The following MICU3 variants were observed in gnomAD, a reference collection of about 807,000 sequenced individuals.
The protein encoded by MICU3 is calcium uptake protein 3, mitochondrial.
Under a neutral mutation model 66.5 loss-of-function variants are expected in MICU3, and 62 were observed. The ratio of observed to expected loss-of-function variants is 0.93; its 90% CI spans 0.76 to 1.15. The LOEUF (loss-of-function observed/expected upper bound fraction) is 1.15, where lower values mean the gene tolerates loss of function less well. Among genes scored for constraint, MICU3 ranks in the 50% most tolerant of loss-of-function variants. MICU3 has a pLI of 0.00. For missense variants in MICU3, 779 were observed against 664.4 expected, an observed-to-expected ratio of 1.17 and a Z score of -1.90; for synonymous variants, 308 against 240.7, an observed-to-expected ratio of 1.28 and a Z score of -2.59.
intron 8 of MICU3, among the ~76,000 whole-genome samples, chr8:17,092,614 A>G (rs1423891335): frequency 6.6e-6 from 1 of 152,004 alleles, no homozygotes; most frequent in African/African-American, 2.4e-5. Flanking sequence ...CAACTCCTCT[A>G]TGAGTTTACT....
intron 3 of MICU3, among the ~76,000 whole-genome samples, chr8:17,077,273 T>C (rs1820518739): frequency 6.6e-6 from 1 of 152,222 alleles, no homozygotes; most frequent in Non-Finnish European, 1.5e-5. Flanking sequence ...TCTAAGTCAC[T>C]AACCGTTAAA....
chr8:17,112,204 T>C (rs372943853), intron 11 of MICU3, among the ~76,000 whole-genome samples: 40 of 152,352 alleles, frequency 2.6e-4, no homozygotes, highest in African/African-American at 7.9e-4. Context: ...AACATTCTTA[T>C]TGAAAGTCAG....
intron 11 of MICU3, among the ~76,000 whole-genome samples, chr8:17,112,173 G>A (rs948352054): frequency 2.0e-5 from 3 of 152,232 alleles, no homozygotes; most frequent in South Asian, 4.1e-4. Context: ...TTTGGGTGGG[G>A]ACACAGAGCC....
Position 17,027,245 on chromosome 8 carries a change from G to A in MICU3, c.-35G>A, listed in dbSNP as rs751189536. The A allele has an allele frequency of 6.0e-6, 4 of 663,756 alleles. No homozygotes were observed. The highest frequency in any genetic ancestry group is 7.4e-6 in the Non-Finnish European group (4 of 540,798). 41.1% of individuals were successfully genotyped at this position (663,756 alleles called of 1,614,324 possible). On this transcript the variant is annotated 5_prime_UTR_variant, in exon 1 of 15. Coordinates refer to ENST00000318063, the MANE Select transcript of MICU3 (RefSeq NM_181723.3). ...CCCCGCCCCCGCCCCTCCGTTCTCT[G>A]CCCCCTCCCAGCTCTGGTGTGGGCG...
chr8:17,087,163 T>C, intron 7 of MICU3, 128 bp downstream of exon 7: 2 of 636,754 alleles, frequency 3.1e-6, no homozygotes, highest in Non-Finnish European at 2.7e-6. Context: ...GTAAAGTTTT[T>C]ATGTAGAAAA....
chr8:17,027,498 C>T lies in MICU3; in HGVS notation c.219C>T (p.Ala73=), dbSNP rs2150456279. The part of the protein sequence containing the change: ...RWGELSVAAA[A]GGGLVGLVCY... ...GGGAGCTGAGCGTGGCGGCGGCGGC[C>T]GGCGGGGGGCTGGTCGGCCTGGTAT... is the stretch of plus-strand genomic sequence containing the variant. Residue 73 remains alanine, a synonymous_variant, in exon 1 of 15, where the codon GCC becomes GCT. Transcript: ENST00000318063. 3.1e-6 allele frequency: 4 copies of T among 1,281,490 alleles called. No individual in the cohort carries two copies. In the East Asian group the frequency reaches 9.4e-5, roughly 30 times the overall value. 79.4% of individuals were successfully genotyped at this position (1,281,490 alleles called of 1,614,324 possible).
chr8:17,128,833 G>T, the MICU3 span, among the ~76,000 whole-genome samples: 1 of 152,130 alleles, frequency 6.6e-6, no homozygotes, highest in Non-Finnish European at 1.5e-5. Flanking sequence ...TGAAATTTAT[G>T]GGACAGAGTA....
intron 8 of MICU3, among the ~76,000 whole-genome samples, chr8:17,093,756 CTT>C (rs1419540891): frequency 2.0e-5 from 3 of 151,958 alleles, no homozygotes; most frequent in African/African-American, 7.2e-5. Context: ...CGTAAAATCT[CTT>C]TTAGTTATCA....
At chr8:17,105,816 A>T (rs376207414) in intron 11 of MICU3, among the ~76,000 whole-genome samples, 8 of 152,144 alleles carry the variant, frequency 5.3e-5, no homozygotes, top group African/African-American at 1.9e-4. Flanking sequence ...TTAGGCTACT[A>T]CCAATTGTTT....
chr8:17,137,815 C>G, the MICU3 span, among the ~76,000 whole-genome samples: 6 of 142,188 alleles, frequency 4.2e-5, no homozygotes, highest in Non-Finnish European at 6.1e-5. Flanking sequence ...TTCCCAGATT[C>G]AAGCAGTTCT....
chr8:17,118,708 G>A lies in MICU3; in HGVS notation c.1526G>A (p.Gly509Asp), dbSNP rs1379161056. ...MKDRLHRGFRGYKTVQKYPTF... is the reference protein window; with the variant it reads ...MKDRLHRGFRDYKTVQKYPTF... ...ACACTTTGCTCTTCTGTTTTACAGG[G>A]TTATAAAACAGTCCAGAAGTACCCC... The change falls in exon 14 of 15, where the codon GGT (glycine) becomes GAT (aspartate). Residue 509 changes from glycine (G) to aspartate (D), a missense_variant and splice_region_variant. Physicochemically the swap from Gly to Asp is moderately conservative, Grantham distance 94. Coordinates refer to ENST00000318063, the MANE Select transcript of MICU3 (RefSeq NM_181723.3). 1 of 1,603,700 alleles carries A rather than the reference G, an allele frequency of 6.2e-7. No individual in the cohort carries two copies. The highest frequency in any genetic ancestry group is 8.5e-7 in the Non-Finnish European group (1 of 1,171,282).
At chr8:17,106,771 C>A (rs1263511181) in intron 11 of MICU3, among the ~76,000 whole-genome samples, 1 of 151,348 alleles carries the variant, frequency 6.6e-6, no homozygotes, top group Non-Finnish European at 1.5e-5. Context: ...ATCCTCAGAG[C>A]AACCTTCCAG....
rs774437918 is a variant in MICU3, at chr8:17,027,546, C to G, written c.267C>G (p.Pro89=). The G allele has an allele frequency of 1.0e-5, 13 of 1,280,876 alleles. No homozygotes were observed. In the South Asian group the frequency reaches 2.3e-4, roughly 23 times the overall value. The allele number at this position is 1,280,876 out of a possible 1,614,324, so 79.3% of individuals were successfully genotyped here. Residue 89 remains proline, a synonymous_variant, in exon 1 of 15, where the codon CCC becomes CCG. Transcript: ENST00000318063. ...GLVCYQLYGD[P]RAGSPATGRP... ...TATGCTACCAGCTGTACGGGGACCC[C>G]AGGGCCGGCTCGCCGGCGACCGGGC...
At chr8:17,079,743 C>T (rs1050944545) in intron 4 of MICU3, among the ~76,000 whole-genome samples, 4 of 151,988 alleles carry the variant, frequency 2.6e-5, no homozygotes, top group Non-Finnish European at 5.9e-5. Flanking sequence ...GTCCTCTTGC[C>T]TCGGCCTCCC....
At chr8:17,029,198 G>C (rs1663001255) in intron 1 of MICU3, among the ~76,000 whole-genome samples, 1 of 152,176 alleles carries the variant, frequency 6.6e-6, no homozygotes, top group Non-Finnish European at 1.5e-5. Flanking sequence ...TTTTTTGGCT[G>C]AGCGTGGTGG....
chr8:17,036,776 C>A (rs1360371864), intron 1 of MICU3, among the ~76,000 whole-genome samples: 1 of 152,252 alleles, frequency 6.6e-6, no homozygotes, highest in Admixed American at 6.5e-5. Flanking sequence ...CGCACCAGGG[C>A]TGCAGGTGGA....
chr8:17,038,130 G>A (rs1474930024), intron 1 of MICU3, among the ~76,000 whole-genome samples: 2 of 152,150 alleles, frequency 1.3e-5, no homozygotes, highest in Non-Finnish European at 2.9e-5. Context: ...TAAGACTTTG[G>A]GGGACTGTTG....
chr8:17,104,433 C>G lies in MICU3; in HGVS notation c.1027C>G (p.Leu343Val). Residue 343 changes from leucine (L) to valine (V), a missense_variant, in exon 10 of 15, where the codon CTT becomes GTT. Leu to Val is a conservative substitution (Grantham distance 32). Transcript: ENST00000318063. ...ITSLVTDTTLLVHFFGKKGKA... is the reference protein window; with the variant it reads ...ITSLVTDTTLVVHFFGKKGKA... ...AAGTTTAGTAACAGATACTACACTT[C>G]TTGTACACTTTTTTGGAAAGAAAGG... is the stretch of plus-strand genomic sequence containing the variant. The G allele has an allele frequency of 6.8e-7, 1 of 1,465,430 alleles. No individual in the cohort carries two copies. The highest frequency in any genetic ancestry group is 9.2e-7 in the Non-Finnish European group (1 of 1,087,650). 90.8% of individuals were successfully genotyped at this position (1,465,430 alleles called of 1,614,324 possible).
At chr8:17,094,802 A>G (rs1800494805) in intron 8 of MICU3, among the ~76,000 whole-genome samples, 1 of 152,032 alleles carries the variant, frequency 6.6e-6, no homozygotes, top group South Asian at 2.1e-4. Context: ...CAACCATGGT[A>G]CTTCAGCATG....
Sources: allele counts gnomAD v4.1 joint callset (sites outside exome capture counted in the v4.1 genomes callset), GRCh38; gene constraint gnomAD v4.1.1; transcripts MANE v1.5; gene names NCBI Gene and HGNC (gene_info 2026-07-23, HGNC 2026-07-21).